Variants in CDK14 observed in about 807,000 individuals in gnomAD.
CDK14 encodes cyclin-dependent kinase 14.
In CDK14, 34 loss-of-function variants were observed where a neutral mutation model predicts 60.7. The ratio of observed to expected loss-of-function variants is 0.56; its 90% CI spans 0.43 to 0.75. The LOEUF (loss-of-function observed/expected upper bound fraction) is 0.75. Ranked by LOEUF, CDK14 falls within the 30% of genes least tolerant of loss-of-function variation. CDK14 has a pLI of 0.00. For missense variants in CDK14, 482 were observed against 564.1 expected, an observed-to-expected ratio of 0.85 and a Z score of 1.47; for synonymous variants, 197 against 203.7, an observed-to-expected ratio of 0.97 and a Z score of 0.28.
At chr7:91,183,259 A>G (rs1802061514) in intron 14 of CDK14, among the ~76,000 whole-genome samples, 1 of 152,232 alleles carries the variant, frequency 6.6e-6, no homozygotes, top group Non-Finnish European at 1.5e-5. Context: ...TGTGTGTCAC[A>G]GACATACTTT....
chr7:90,881,152 A>G (rs1791738516), intron 6 of CDK14, among the ~76,000 whole-genome samples: 1 of 152,192 alleles, frequency 6.6e-6, no homozygotes, highest in Non-Finnish European at 1.5e-5. Context: ...CGGTGAACTA[A>G]AGGAGCATAT....
chr7:90,878,106 G>C (rs186499356), intron 6 of CDK14, among the ~76,000 whole-genome samples: 1 of 151,408 alleles, frequency 6.6e-6, no homozygotes, highest in Admixed American at 6.6e-5. Context: ...GAGAGAGAGA[G>C]AGAGACAGAG....
At chr7:90,597,644 G>A (rs1563010525) in intron 1 of CDK14, among the ~76,000 whole-genome samples, 1 of 152,118 alleles carries the variant, frequency 6.6e-6, no homozygotes, top group Non-Finnish European at 1.5e-5. Flanking sequence ...CCTAGTCTTT[G>A]TTTCACTTGT....
intron 5 of CDK14, among the ~76,000 whole-genome samples, chr7:90,823,694 T>A (rs1454225480): frequency 1.3e-5 from 2 of 152,210 alleles, no homozygotes; most frequent in Admixed American, 6.5e-5. Context: ...TTAGGCAGAC[T>A]GTTTAACCTT....
At chr7:90,615,240 C>T (rs1344220889) in intron 2 of CDK14, among the ~76,000 whole-genome samples, 1 of 152,144 alleles carries the variant, frequency 6.6e-6, no homozygotes, top group Non-Finnish European at 1.5e-5. Flanking sequence ...AGTACTTATT[C>T]GACCTTTCAC....
chr7:91,092,301 G>A (rs1264877426), intron 12 of CDK14, among the ~76,000 whole-genome samples: 1 of 152,098 alleles, frequency 6.6e-6, no homozygotes, highest in Non-Finnish European at 1.5e-5. Flanking sequence ...ACACTTTGGA[G>A]CATCTGTGCC....
chr7:90,726,647 T>C lies in CDK14; in HGVS notation c.204T>C (p.Asp68=). Reference sequence around the variant, plus strand: ...AACCCCTGGACACAATTCCTGAGGATAAAAAAGTCAGAGTTCAGAGGACAC... The same window carrying C: ...AACCCCTGGACACAATTCCTGAGGACAAAAAAGTCAGAGTTCAGAGGACAC... ...VIKPLDTIPE[D]KKVRVQRTQS... is the part of the protein sequence containing the mutation. Residue 68 remains aspartate, a synonymous_variant, in exon 3 of 15, where the codon GAT becomes GAC. Transcript: ENST00000380050. 6.2e-7 allele frequency: 1 copy of C among 1,613,838 alleles called. No individual in the cohort carries two copies. Among genetic ancestry groups the C allele is most frequent in the Non-Finnish European group, 8.5e-7 (1 of 1,179,812 alleles).
chr7:90,784,128 A>G (rs1805464967), intron 4 of CDK14, among the ~76,000 whole-genome samples: 1 of 152,208 alleles, frequency 6.6e-6, no homozygotes, highest in African/African-American at 2.4e-5. Flanking sequence ...CACTTGCAAC[A>G]TGGGTGGAAC....
At chr7:90,690,282 A>G (rs1303068708) in intron 2 of CDK14, among the ~76,000 whole-genome samples, 1 of 152,296 alleles carries the variant, frequency 6.6e-6, no homozygotes, top group Non-Finnish European at 1.5e-5. Flanking sequence ...GTTGTGTGAC[A>G]CTTAAGTGTG....
At position 90,750,194 on chromosome 7, in the gene CDK14, ACACACAC is replaced by A. The variant is rs1366302876; in HGVS notation, c.464+2422_464+2428del. Among the ~76,000 whole-genome samples the A allele has an allele frequency of 9.5e-3, 915 of 95,946 alleles. 19 individuals carry two copies. The highest frequency in any genetic ancestry group is 0.029 in the African/African-American group (807 of 28,062). The allele number at this position is 95,946 out of a possible 152,430, so 62.9% of individuals were successfully genotyped here. On this transcript the variant is annotated intron_variant, in intron 4 of 14. Coordinates refer to ENST00000380050, the MANE Select transcript of CDK14 (RefSeq NM_001287135.2). The stretch of plus-strand genomic sequence containing the variant: ...CACACACACACACACACACACACAC[ACACACAC>A]CAATAATATTACAGAGAAAGAAAAA...
chr7:91,108,453 T>G (rs1799373462), intron 12 of CDK14, among the ~76,000 whole-genome samples: 2 of 152,226 alleles, frequency 1.3e-5, no homozygotes, highest in African/African-American at 4.8e-5. Flanking sequence ...ATATAAGGAA[T>G]ATAGAGATAT....
At chr7:90,839,489 T>C (rs1017741053) in intron 5 of CDK14, among the ~76,000 whole-genome samples, 90 of 152,186 alleles carry the variant, frequency 5.9e-4, no homozygotes, top group African/African-American at 1.7e-3. Context: ...ATTTGCTCAC[T>C]TCCTCCCACC....
chr7:90,655,229 A>T (rs1358811819), intron 2 of CDK14, among the ~76,000 whole-genome samples: 1 of 151,974 alleles, frequency 6.6e-6, no homozygotes, highest in Non-Finnish European at 1.5e-5. Context: ...TTCTCCATTT[A>T]CCCATTGATG....
rs1277089697 is a variant in CDK14 at position 90,596,469 on chromosome 7, G to A, written c.-159G>A. 3 of 554,662 alleles carry A rather than the reference G, an allele frequency of 5.4e-6. No homozygotes were observed. The highest frequency in any genetic ancestry group is 6.3e-6 in the Non-Finnish European group (2 of 315,956). The allele number at this position is 554,662 out of a possible 1,614,324, so 34.4% of individuals were successfully genotyped here. A position where few individuals can be genotyped will look rare whatever the true frequency, so the allele number is the denominator to read the frequency against. On this transcript the variant is annotated 5_prime_UTR_variant, in exon 1 of 15. Coordinates refer to ENST00000380050, the MANE Select transcript of CDK14 (RefSeq NM_001287135.2). ...GAGCGGAGCCTGCCGTCCTCCGCCT[G>A]CCTGCTGCTCGCCTCCCTAGACCTG...
chr7:91,008,160 C>A (rs1331448585), intron 10 of CDK14, among the ~76,000 whole-genome samples: 1,199 of 95,444 alleles, frequency 0.013, 3 homozygotes, highest in Middle Eastern at 0.028. Flanking sequence ...CAAAAAAAAA[C>A]AGTGGATGGT....
chr7:90,736,183 C>T (rs769036347), intron 3 of CDK14, among the ~76,000 whole-genome samples: 1 of 151,924 alleles, frequency 6.6e-6, no homozygotes, highest in Non-Finnish European at 1.5e-5. Flanking sequence ...TGAGATGAAC[C>T]GGGTACCTCA....
chr7:90,667,399 T>C (rs947777667), intron 2 of CDK14, among the ~76,000 whole-genome samples: 2 of 152,192 alleles, frequency 1.3e-5, no homozygotes, highest in Non-Finnish European at 2.9e-5. Context: ...ATTTTTATTA[T>C]CCTAAAAGGT....
intron 14 of CDK14, among the ~76,000 whole-genome samples, chr7:91,205,883 C>T (rs1364326816): frequency 3.3e-5 from 5 of 152,044 alleles, no homozygotes; most frequent in Non-Finnish European, 5.9e-5. Flanking sequence ...GCAACCTCTG[C>T]CTCCTGGGTT....
At chr7:90,854,326 C>T (rs761336637) in intron 5 of CDK14, among the ~76,000 whole-genome samples, 1 of 152,068 alleles carries the variant, frequency 6.6e-6, no homozygotes, top group Non-Finnish European at 1.5e-5. Flanking sequence ...CCAGCCTGAA[C>T]AACATAGCAA....
Sources: allele counts gnomAD v4.1 joint callset (sites outside exome capture counted in the v4.1 genomes callset), GRCh38; gene constraint gnomAD v4.1.1; transcripts MANE v1.5; gene names NCBI Gene and HGNC (gene_info 2026-07-23, HGNC 2026-07-21).